EYA1: variants seen among roughly 807,000 people sequenced by gnomAD.
The protein encoded by EYA1 is EYA transcriptional coactivator and phosphatase 1.
EYA1 carries 16 observed loss-of-function variants against 82.0 expected under a neutral mutation model. That is an observed-to-expected ratio of 0.20 (90% confidence interval 0.13 to 0.30). The LOEUF is 0.30. Ranked by LOEUF, EYA1 falls within the 10% of genes least tolerant of loss-of-function variation. EYA1 has a pLI of 1.00. For synonymous variants in EYA1, 261 were observed against 264.4 expected (o/e 0.99, Z 0.12); for missense variants, 633 against 730.7 (o/e 0.87, Z 1.54).
rs139457057 is a variant in EYA1 at position 71,420,049 on chromosome 8, G to T, written c.34-63538C>A. On this transcript the variant is annotated intron_variant, in intron 2 of 18. Coordinates refer to the EYA1 transcript ENST00000643681. ...AATTGCACCTTCCTTGAAAAGAAAA[G>T]GTGATGGACTGAAAAATGTTTAGCT... 1.2e-4 allele frequency among the ~76,000 whole-genome samples: 19 copies of T among 152,178 alleles called. 1 individual carries two copies. In the East Asian group the frequency reaches 3.7e-3, roughly 29 times the overall value.
rs561031747 is a variant in EYA1 at position 71,251,883 on chromosome 8, T to C, written c.1051-7191A>G. Among the ~76,000 whole-genome samples the C allele has an allele frequency of 4.3e-3, 653 of 152,262 alleles. 2 individuals are homozygous for C. The highest frequency in any genetic ancestry group is 0.027 in the Middle Eastern group (8 of 294). ...ATCACAGTAGATCTTGATTAAAATG[T>C]TAAAAAGGAAAAATATTCTGGACAA... On this transcript the variant is annotated intron_variant, in intron 11 of 17. Coordinates refer to ENST00000340726, the MANE Select transcript of EYA1 (RefSeq NM_000503.6).
chr8:71,373,265 G>C (rs904959013), intron 2 of EYA1, among the ~76,000 whole-genome samples: 1 of 152,004 alleles, frequency 6.6e-6, no homozygotes, highest in Non-Finnish European at 1.5e-5. Flanking sequence ...AAAAATGTTA[G>C]AACTAATCAA....
At chr8:71,221,435 T>C (rs941571790) in intron 12 of EYA1, among the ~76,000 whole-genome samples, 17 of 152,126 alleles carry the variant, frequency 1.1e-4, no homozygotes, top group African/African-American at 4.1e-4. Context: ...ATGTGAGAAC[T>C]GATATGGGAG....
intron 9 of EYA1, among the ~76,000 whole-genome samples, chr8:71,278,606 T>C (rs1394198973): frequency 7.2e-5 from 11 of 152,360 alleles, no homozygotes; most frequent in Middle Eastern, 3.4e-3. Flanking sequence ...TATTCCTTTA[T>C]TGATTTATAC....
At chr8:71,318,148 T>C (rs1004832020) in intron 6 of EYA1, among the ~76,000 whole-genome samples, 1 of 152,184 alleles carries the variant, frequency 6.6e-6, no homozygotes, top group African/African-American at 2.4e-5. Context: ...TCACAGTATT[T>C]TTCCCTCCTT....
chr8:71,267,537 A>G (rs1182712824), intron 11 of EYA1, among the ~76,000 whole-genome samples: 1 of 152,180 alleles, frequency 6.6e-6, no homozygotes, highest in African/African-American at 2.4e-5. Context: ...GCTTTTGGAA[A>G]TTATATGAGA....
At chr8:71,474,695 C>A (rs1479605536) in intron 2 of EYA1, among the ~76,000 whole-genome samples, 4 of 152,018 alleles carry the variant, frequency 2.6e-5, no homozygotes, top group Admixed American at 2.6e-4. Flanking sequence ...GTTTTTATTT[C>A]TCTCTCCCAT....
At chr8:71,482,090 A>C (rs986987887) in intron 2 of EYA1, among the ~76,000 whole-genome samples, 2 of 152,184 alleles carry the variant, frequency 1.3e-5, no homozygotes, top group African/African-American at 4.8e-5. Flanking sequence ...AAAAAACGCC[A>C]TTAAGAAAGT....
intron 7 of EYA1, among the ~76,000 whole-genome samples, chr8:71,316,934 T>C (rs1003180514): frequency 2.6e-5 from 4 of 152,224 alleles, no homozygotes; most frequent in African/African-American, 9.6e-5. Flanking sequence ...ATGACAGCTG[T>C]CATTCCATTT....
At chr8:71,334,676 T>TA (rs1343733421) in intron 3 of EYA1, among the ~76,000 whole-genome samples, 2 of 152,234 alleles carry the variant, frequency 1.3e-5, no homozygotes, top group East Asian at 3.9e-4. Context: ...CCAGCATGGC[T>TA]AAAAAACCAA....
intron 2 of EYA1, among the ~76,000 whole-genome samples, chr8:71,444,784 T>G (rs958573889): frequency 4.3e-4 from 65 of 152,344 alleles, no homozygotes; most frequent in African/African-American, 1.5e-3. Flanking sequence ...GAAGTTGGAT[T>G]TGAACTGTCT....
At position 71,473,924 on chromosome 8, in the gene EYA1, T is replaced by C. The variant is rs1809437159; in HGVS notation, c.33+61820A>G. 3.3e-5 allele frequency among the ~76,000 whole-genome samples: 5 copies of C among 151,986 alleles called. No homozygotes were observed. The South Asian group carries it at 1.0e-3, about 32-fold the overall frequency. On this transcript the variant is annotated intron_variant, in intron 2 of 18. Coordinates refer to the EYA1 transcript ENST00000643681. Reference sequence around the variant, plus strand: ...GGGACTTGGATGAAGCTGGAAACCATCATTCTCAGCAAACTAAAACAGGAA... The same window carrying C: ...GGGACTTGGATGAAGCTGGAAACCACCATTCTCAGCAAACTAAAACAGGAA...
chr8:71,227,808 T>G (rs892326971), intron 12 of EYA1, among the ~76,000 whole-genome samples: 1 of 152,182 alleles, frequency 6.6e-6, no homozygotes, highest in Non-Finnish European at 1.5e-5. Flanking sequence ...TGTAAAGAAA[T>G]ATTTTCTTGT....
chr8:71,264,891 G>C (rs560278034), intron 11 of EYA1, among the ~76,000 whole-genome samples: 1 of 152,156 alleles, frequency 6.6e-6, no homozygotes, highest in South Asian at 2.1e-4. Context: ...CCAAATTCAT[G>C]ATACAATTTA....
chr8:71,284,391 A>G (rs1396399653), intron 9 of EYA1, among the ~76,000 whole-genome samples: 7 of 152,252 alleles, frequency 4.6e-5, no homozygotes, highest in Non-Finnish European at 1.0e-4. Flanking sequence ...GATTCATTCA[A>G]ATTTCACCAT....
intron 10 of EYA1, 74 bp downstream of exon 10, chr8:71,271,684 G>A (rs560282313): frequency 1.7e-5 from 26 of 1,536,142 alleles, no homozygotes; most frequent in Middle Eastern, 1.7e-4. Context: ...TGCTGTTTAC[G>A]TAGCAGGTAT....
At chr8:71,486,797 A>G (rs1213648500) in intron 2 of EYA1, among the ~76,000 whole-genome samples, 1 of 151,986 alleles carries the variant, frequency 6.6e-6, no homozygotes, top group Non-Finnish European at 1.5e-5. Flanking sequence ...GAGTTGTCTC[A>G]GGGTCATGCT....
intron 2 of EYA1, among the ~76,000 whole-genome samples, chr8:71,391,330 T>C (rs1389417687): frequency 6.6e-6 from 1 of 152,132 alleles, no homozygotes; most frequent in East Asian, 1.9e-4. Flanking sequence ...TGTTGAGAAC[T>C]CCCATCTTCC....
intron 4 of EYA1, among the ~76,000 whole-genome samples, chr8:71,328,138 A>G (rs1186495947): frequency 6.6e-6 from 1 of 152,110 alleles, no homozygotes; most frequent in Non-Finnish European, 1.5e-5. Flanking sequence ...TACACGTGTG[A>G]GCCACTGCAC....
Sources: allele counts gnomAD v4.1 joint callset (sites outside exome capture counted in the v4.1 genomes callset), GRCh38; gene constraint gnomAD v4.1.1; transcripts MANE v1.5; gene names NCBI Gene and HGNC (gene_info 2026-07-23, HGNC 2026-07-21).